The following RBFOX1 variants were observed in gnomAD, a reference collection of about 807,000 sequenced individuals.
RBFOX1 encodes RNA binding fox-1 homolog 1.
RBFOX1 carries 8 observed loss-of-function variants against 57.7 expected under a neutral mutation model. The ratio of observed to expected loss-of-function variants is 0.14; its 90% CI spans 0.08 to 0.25. The LOEUF is 0.25. Ranked by LOEUF, RBFOX1 falls within the 10% of genes least tolerant of loss-of-function variation. The pLI, the probability that RBFOX1 is intolerant of heterozygous loss-of-function variation, is 1.00. For synonymous variants in RBFOX1, 326 were observed against 222.4 expected (o/e 1.47, Z -4.15); for missense variants, 611 against 548.5 (o/e 1.11, Z -1.14).
At chr16:5,902,985 C>T (rs1363917235) in intron 4 of RBFOX1, among the ~76,000 whole-genome samples, 2 of 152,048 alleles carry the variant, frequency 1.3e-5, no homozygotes, top group Admixed American at 6.6e-5. Flanking sequence ...TTTCTAAACT[C>T]CCCCACCCTC....
At chr16:5,416,689 T>G (rs1290561991) in intron 1 of RBFOX1, among the ~76,000 whole-genome samples, 1 of 152,096 alleles carries the variant, frequency 6.6e-6, no homozygotes, top group Non-Finnish European at 1.5e-5. Context: ...TCTTTTTTTT[T>G]TTTCCTCTGG....
At chr16:5,536,623 GT>G (rs1284556454) in intron 2 of RBFOX1, among the ~76,000 whole-genome samples, 1 of 152,120 alleles carries the variant, frequency 6.6e-6, no homozygotes, top group Non-Finnish European at 1.5e-5. Context: ...TATGGGTGAT[GT>G]CAGCTGCATA....
chr16:7,193,198 A>C (rs1030722057), intron 4 of RBFOX1, among the ~76,000 whole-genome samples: 4 of 152,202 alleles, frequency 2.6e-5, no homozygotes, highest in South Asian at 2.1e-4. Context: ...GTGAAGAGGG[A>C]GGCAGAAGAG....
intron 4 of RBFOX1, among the ~76,000 whole-genome samples, chr16:7,142,095 C>G (rs532587221): frequency 6.6e-6 from 1 of 152,192 alleles, no homozygotes; most frequent in East Asian, 1.9e-4. Context: ...GTGATCATAG[C>G]TCAGTGCAGC....
chr16:6,966,465 C>G (rs979876495), intron 3 of RBFOX1, among the ~76,000 whole-genome samples: 2 of 152,084 alleles, frequency 1.3e-5, no homozygotes, highest in Non-Finnish European at 1.5e-5. Flanking sequence ...GCTCATTCTG[C>G]CATCCACGGA....
chr16:6,554,870 TCA>T (rs34614399), intron 2 of RBFOX1, among the ~76,000 whole-genome samples: 14,547 of 152,062 alleles, frequency 0.096, 1,776 homozygotes, highest in African/African-American at 0.29. Flanking sequence ...GCTCTCTCTC[TCA>T]CTCATGAGTG....
intron 3 of RBFOX1, among the ~76,000 whole-genome samples, chr16:7,028,715 T>C (rs989052421): frequency 7.9e-5 from 12 of 151,732 alleles, no homozygotes; most frequent in African/African-American, 2.9e-4. Context: ...CTGTGAATTA[T>C]TGCAGGACTT....
chr16:7,248,848 G>C (rs1026784107), intron 4 of RBFOX1, among the ~76,000 whole-genome samples: 1 of 152,288 alleles, frequency 6.6e-6, no homozygotes, highest in Non-Finnish European at 1.5e-5. Context: ...TCATCTATTT[G>C]TAATCTGTAT....
At chr16:6,277,712 C>G (rs1281865725) in intron 1 of RBFOX1, among the ~76,000 whole-genome samples, 1 of 151,394 alleles carries the variant, frequency 6.6e-6, no homozygotes, top group East Asian at 1.9e-4. Context: ...TCCGTGCTGA[C>G]TCCTTGGATC....
At chr16:6,240,854 G>A (rs138577926) in intron 1 of RBFOX1, among the ~76,000 whole-genome samples, 10 of 152,214 alleles carry the variant, frequency 6.6e-5, no homozygotes, top group African/African-American at 1.9e-4. Context: ...ACGTTATGCA[G>A]TTTTCCCTTT....
chr16:7,666,785 A>T lies in RBFOX1; in HGVS notation c.930+1817A>T, dbSNP rs934160302. On this transcript the variant is annotated intron_variant, in intron 13 of 15. Coordinates refer to ENST00000550418, the MANE Select transcript of RBFOX1 (RefSeq NM_018723.4). Reference sequence around the variant, plus strand: ...TAGAGAGGAAAAAGAAAATTTATTCAGGGAAGAAAGCCACAGAAGTGTCCC... The same window carrying T: ...TAGAGAGGAAAAAGAAAATTTATTCTGGGAAGAAAGCCACAGAAGTGTCCC... 6.6e-5 allele frequency among the ~76,000 whole-genome samples: 10 copies of T among 152,350 alleles called. No individual in the cohort carries two copies. The East Asian group carries it at 1.7e-3, about 26-fold the overall frequency.
chr16:6,714,496 T>C (rs1038882735), intron 3 of RBFOX1, among the ~76,000 whole-genome samples: 10 of 152,092 alleles, frequency 6.6e-5, no homozygotes, highest in Non-Finnish European at 1.0e-4. Flanking sequence ...TAGCTTAGTA[T>C]TATCCTACCC....
At chr16:6,491,446 C>A (rs984690001) in intron 2 of RBFOX1, among the ~76,000 whole-genome samples, 2 of 152,118 alleles carry the variant, frequency 1.3e-5, no homozygotes, top group African/African-American at 4.8e-5. Context: ...TCTTAGGAAT[C>A]TAAACATATA....
In RBFOX1 at chr16:7,460,389, A is replaced by ATATATATATATATATATATATG; in HGVS notation, c.28-57757_28-57756insATATATATATATATATATATGT. 3.4e-3 allele frequency among the ~76,000 whole-genome samples: 298 copies of ATATATATATATATATATATATG among 87,116 alleles called. 4 individuals carry two copies. Among genetic ancestry groups the ATATATATATATATATATATATG allele is most frequent in the African/African-American group, 0.017 (257 of 15,290 alleles). The allele number at this position is 87,116 out of a possible 152,430, so 57.2% of individuals were successfully genotyped here. A position where few individuals can be genotyped will look rare whatever the true frequency, so the allele number is the denominator to read the frequency against. On this transcript the variant is annotated intron_variant, in intron 4 of 15. Coordinates refer to ENST00000550418, the MANE Select transcript of RBFOX1 (RefSeq NM_018723.4). ...TAGCAAAATATATATATATATATATATGTGTGTGTGTGTGTGTGTGTGTGT... is the reference window on the plus strand; with the variant it reads ...TAGCAAAATATATATATATATATATATATATATATATATATATATATGTGTGTGTGTGTGTGTGTGTGTGTGT...
At chr16:6,326,921 C>T (rs1272258872) in intron 2 of RBFOX1, among the ~76,000 whole-genome samples, 1 of 152,156 alleles carries the variant, frequency 6.6e-6, no homozygotes, top group South Asian at 2.1e-4. Flanking sequence ...CAAAGCTGGG[C>T]TCTCTCACCT....
chr16:6,217,446 C>A (rs111599718), intron 1 of RBFOX1, among the ~76,000 whole-genome samples: 1 of 152,082 alleles, frequency 6.6e-6, no homozygotes, highest in African/African-American at 2.4e-5. Flanking sequence ...TCAGTATTAT[C>A]GGGACCTTCC....
chr16:7,603,422 C>G (rs2095140304), intron 9 of RBFOX1, among the ~76,000 whole-genome samples: 1 of 151,976 alleles, frequency 6.6e-6, no homozygotes, highest in African/African-American at 2.4e-5. Flanking sequence ...TTATAAAAGA[C>G]AAGAGCAAGC....
At chr16:7,661,376 G>C (rs2067677183) in intron 12 of RBFOX1, among the ~76,000 whole-genome samples, 1 of 152,114 alleles carries the variant, frequency 6.6e-6, no homozygotes, top group Non-Finnish European at 1.5e-5. Flanking sequence ...AGCCCTCCAA[G>C]AAGCCAGAGC....
chr16:5,670,453 C>A (rs558959766), intron 3 of RBFOX1, among the ~76,000 whole-genome samples: 1 of 152,150 alleles, frequency 6.6e-6, no homozygotes, highest in Non-Finnish European at 1.5e-5. Context: ...AAAACCAACA[C>A]CAATGTAAGT....
Sources: gnomAD v4.1 joint callset for allele counts (sites outside exome capture counted in the v4.1 genomes callset) on GRCh38, gnomAD v4.1.1 for gene constraint, MANE v1.5 for transcripts, NCBI Gene and HGNC (gene_info 2026-07-23, HGNC 2026-07-21) for gene names.